Variants in CHD1 observed in about 807,000 individuals in gnomAD.
CHD1 encodes the protein ATP-dependent chromatin remodeler CHD1.
In CHD1, 36 loss-of-function variants were observed where a neutral mutation model predicts 224.2. The observed-to-expected ratio is 0.16, with a 90% CI of 0.12 to 0.21. The LOEUF (loss-of-function observed/expected upper bound fraction) is 0.21, where lower values mean the gene tolerates loss of function less well. Among genes scored for constraint, CHD1 ranks in the 10% least tolerant of loss-of-function variants. The pLI, the probability that CHD1 is intolerant of heterozygous loss-of-function variation, is 1.00. For missense variants in CHD1, 1,378 were observed against 1,994.8 expected (o/e 0.69, Z 5.89); for synonymous variants, 668 against 658.3 (o/e 1.01, Z -0.23).
Position 98,898,215 on chromosome 5 carries a change from A to G in CHD1, c.1365+41T>C, listed in dbSNP as rs144968310. On this transcript the variant is annotated intron_variant, in intron 10 of 35. Transcript: ENST00000614616. ...AGGCTTGTAAATATTTATAATGTAT[A>G]AATATATTTTTAATAATTTAAAATG... 5.9e-3 allele frequency: 6,417 copies of G among 1,089,580 alleles called. 310 individuals are homozygous for G. The East Asian group carries it at 0.11, about 19-fold the overall frequency. 67.5% of individuals were successfully genotyped at this position (1,089,580 alleles called of 1,614,324 possible).
chr5:98,892,519 G>C lies in CHD1; in HGVS notation c.2180+6C>G. The C allele has an allele frequency of 1.2e-6, 2 of 1,607,566 alleles. No individual in the cohort carries two copies. The highest frequency in any genetic ancestry group is 1.7e-6 in the Non-Finnish European group (2 of 1,175,022). ...AGTTCAGAACTGTGTTCTGTGTACAGCTTACTTGTAATATTGTTTCTGTAA... is the reference window on the plus strand; with the variant it reads ...AGTTCAGAACTGTGTTCTGTGTACACCTTACTTGTAATATTGTTTCTGTAA... On this transcript the variant is annotated splice_donor_region_variant and intron_variant, in intron 15 of 35. Coordinates refer to ENST00000614616, the MANE Select transcript of CHD1 (RefSeq NM_001270.4).
intron 2 of CHD1, among the ~76,000 whole-genome samples, chr5:98,909,233 G>A (rs1278108116): frequency 6.6e-6 from 1 of 152,034 alleles, no homozygotes; most frequent in East Asian, 1.9e-4. Flanking sequence ...CCACTCTTCT[G>A]CTTTCCAGAT....
At chr5:98,889,346 C>T (rs947371913) in intron 15 of CHD1, 108 bp from the exon 16 acceptor site, 2 of 739,674 alleles carry the variant, frequency 2.7e-6, no homozygotes, top group Non-Finnish European at 4.3e-6. Context: ...CAAAGTAAAA[C>T]TGTACCGTTA....
Position 98,898,691 on chromosome 5 carries a change from G to A in CHD1, c.1159C>T (p.Gln387Ter). 1 of 1,580,050 alleles carries A rather than the reference G, an allele frequency of 6.3e-7. No individual in the cohort carries two copies. Among genetic ancestry groups the A allele is most frequent in the Non-Finnish European group, 8.7e-7 (1 of 1,150,162 alleles). ...QQELTDDLHKQYQIVERIIAH... is the reference protein window; with the variant it reads ...QQELTDDLHK ...ATTATACGTTCCACTATTTGATACT[G>A]TTTATGTAGATCATCTGTAAGTTCT... is the stretch of plus-strand genomic sequence containing the variant. The change falls in exon 9 of 36, where the codon CAG becomes TAG. Residue 387 changes from glutamine to a stop codon, truncating the protein, a stop_gained. Coordinates refer to ENST00000614616, the MANE Select transcript of CHD1 (RefSeq NM_001270.4). LOFTEE classifies it high-confidence loss of function.
intron 5 of CHD1, among the ~76,000 whole-genome samples, chr5:98,902,125 GT>G (rs1469582687): frequency 1.3e-5 from 2 of 151,790 alleles, no homozygotes; most frequent in Non-Finnish European, 2.9e-5. Context: ...AGTTTCCGTT[GT>G]GTATTTTTAT....
At chr5:98,901,471 A>G (rs978302940) in intron 5 of CHD1, 136 bp from the exon 6 acceptor site, 24 of 656,126 alleles carry the variant, frequency 3.7e-5, no homozygotes, top group African/African-American at 3.5e-4. Context: ...TAAAAATGAA[A>G]TATTTATAAA....
intron 34 of CHD1, 43 bp from the exon 35 acceptor site, chr5:98,858,433 T>G (rs780654982): frequency 1.0e-5 from 16 of 1,526,968 alleles, no homozygotes; most frequent in Non-Finnish European, 1.4e-5. Flanking sequence ...TTAAAAATAA[T>G]GTGGCAAAAA....
chr5:98,925,324 T>A (rs191966308), intron 2 of CHD1, among the ~76,000 whole-genome samples: 6 of 152,298 alleles, frequency 3.9e-5, no homozygotes, highest in African/African-American at 1.4e-4. Context: ...CTCCAACTTT[T>A]GAGTTCAAGT....
At position 98,901,328 on chromosome 5, in the gene CHD1, A is replaced by C; in HGVS notation, c.445T>G (p.Trp149Gly). The C allele has an allele frequency of 1.9e-6, 3 of 1,604,884 alleles. No homozygotes were observed. Among genetic ancestry groups the C allele is most frequent in the Non-Finnish European group, 2.5e-6 (3 of 1,177,722 alleles). Residue 149 changes from tryptophan (W) to glycine (G), a missense_variant, in exon 6 of 36, where the codon TGG (tryptophan) becomes GGG (glycine). Trp to Gly is a radical substitution (Grantham distance 184, BLOSUM62 -2). Around this residue, in one of 16 missense-constraint regions of CHD1, gnomAD observed 306 missense variants for 298.1 expected, o/e 1.03. Transcript: ENST00000614616. ...VKRKKHKDED[W>G]QMSGSGSPSQ... The stretch of plus-strand genomic sequence containing the variant: ...GGAGATCCTGACCCAGACATTTGCC[A>C]ATCTTCACTGCAGACAAAATTTATA...
chr5:98,869,543 A>G, intron 30 of CHD1: 1 of 545,740 alleles, frequency 1.8e-6, no homozygotes, highest in Non-Finnish European at 3.1e-6. Flanking sequence ...CTAGTGCTAT[A>G]TAATATCTAC....
chr5:98,893,520 A>T lies in CHD1; in HGVS notation c.1887T>A (p.Thr629=), dbSNP rs991212876. ...GATGATTGGATTTAAAATCTATTAA[A>T]GTTTTATACAGAAGGGAGTCATCAT... ...LKNDDSLLYK[T]LIDFKSNHRL... The change falls in exon 14 of 36, where the codon ACT becomes ACA. Residue 629 remains threonine (T), a synonymous_variant. Coordinates refer to ENST00000614616, the MANE Select transcript of CHD1 (RefSeq NM_001270.4). 1 of 1,611,684 alleles carries T rather than the reference A, an allele frequency of 6.2e-7. No homozygotes were observed.
Position 98,898,341 on chromosome 5 carries a change from G to C in CHD1, c.1280C>G (p.Ala427Gly). Reference protein sequence around the residue: ...PYSECSWEDGALISKKFQACI... With the variant: ...PYSECSWEDGGLISKKFQACI... ...TGCTTGAAACTTTTTGGAAATGAGA[G>C]CTCCATCTTCCCAGCTGCACTCTGA... Residue 427 changes from alanine to glycine, a missense_variant, in exon 10 of 36, where the codon GCT becomes GGT. Ala to Gly is a moderately conservative substitution (Grantham distance 60, BLOSUM62 0). Transcript: ENST00000614616. 1.2e-6 allele frequency: 2 copies of C among 1,602,634 alleles called. No homozygotes were observed. The highest frequency in any genetic ancestry group is 1.7e-6 in the Non-Finnish European group (2 of 1,174,814).
At chr5:98,917,295 G>GAAACCAAA (rs1752792257) in intron 2 of CHD1, among the ~76,000 whole-genome samples, 1 of 30,856 alleles carries the variant, frequency 3.2e-5, no homozygotes, top group Non-Finnish European at 6.1e-5. Context: ...CAAAAACAAA[G>GAAACCAAA]AAACAAAAAA....
At chr5:98,915,246 G>C (rs1752663700) in intron 2 of CHD1, among the ~76,000 whole-genome samples, 2 of 152,186 alleles carry the variant, frequency 1.3e-5, no homozygotes, top group African/African-American at 4.8e-5. Context: ...CCACTGCTTT[G>C]TTAAGCACTG....
chr5:98,918,625 G>A (rs1264073242), intron 2 of CHD1, among the ~76,000 whole-genome samples: 1 of 151,004 alleles, frequency 6.6e-6, no homozygotes, highest in East Asian at 2.0e-4. Flanking sequence ...AAAATTAGCT[G>A]GGCATGGTGA....
chr5:98,926,806 AC>A (rs1753488370), intron 1 of CHD1, among the ~76,000 whole-genome samples: 1 of 152,110 alleles, frequency 6.6e-6, no homozygotes, highest in Non-Finnish European at 1.5e-5. Context: ...ACTAACTGCA[AC>A]TAACAATGTT....
In CHD1 at chr5:98,856,276, T is replaced by C. The variant is rs761013030; in HGVS notation, c.*104A>G. 8.8e-5 allele frequency: 67 copies of C among 763,936 alleles called. No homozygotes were observed. The highest frequency in any genetic ancestry group is 1.8e-4 in the Admixed American group (7 of 38,616). 47.3% of individuals were successfully genotyped at this position (763,936 alleles called of 1,614,324 possible). A position where few individuals can be genotyped will look rare whatever the true frequency, so the allele number is the denominator to read the frequency against. On this transcript the variant is annotated 3_prime_UTR_variant, in exon 36 of 36. Coordinates refer to ENST00000614616, the MANE Select transcript of CHD1 (RefSeq NM_001270.4). ...AAAGAAGTAACAATACTGCTACTGATAGAAGATCTGTTTATATCTTTCAAG... is the reference window on the plus strand; with the variant it reads ...AAAGAAGTAACAATACTGCTACTGACAGAAGATCTGTTTATATCTTTCAAG...
chr5:98,903,096 TTTTA>T lies in CHD1; in HGVS notation c.373-136_373-133del, dbSNP rs558611016. ...CTTGTGAAGCCTTTTTTCAATGTAG[TTTTA>T]TTTATGTTAACTAGCTGAAAGTAAT... On this transcript the variant is annotated intron_variant, in intron 4 of 35. Transcript: ENST00000614616. The T allele has an allele frequency of 1.4e-3, 714 of 514,006 alleles. 2 individuals carry two copies. Among genetic ancestry groups the T allele is most frequent in the African/African-American group, 0.012 (588 of 50,412 alleles). The allele number at this position is 514,006 out of a possible 1,614,324, so 31.8% of individuals were successfully genotyped here.
chr5:98,874,885 C>A (rs1749633802), intron 25 of CHD1, among the ~76,000 whole-genome samples, 187 bp downstream of exon 25: 1 of 152,096 alleles, frequency 6.6e-6, no homozygotes, highest in Non-Finnish European at 1.5e-5. Context: ...AAATTTGAGA[C>A]TGGAAATTAA....
Sources: allele counts gnomAD v4.1 joint callset (sites outside exome capture counted in the v4.1 genomes callset), GRCh38; gene constraint gnomAD v4.1.1; regional missense constraint gnomAD v4.1.1; transcripts MANE v1.5; gene names NCBI Gene and HGNC (gene_info 2026-07-23, HGNC 2026-07-21).